The following CERK variants were observed in gnomAD, a reference collection of about 807,000 sequenced individuals.
CERK encodes ceramide kinase.
CERK carries 39 observed loss-of-function variants against 63.4 expected under a neutral mutation model. The observed-to-expected ratio is 0.61, with a 90% CI of 0.48 to 0.80. The LOEUF (loss-of-function observed/expected upper bound fraction) is 0.80. Among genes scored for constraint, CERK ranks in the 30% least tolerant of loss-of-function variants. CERK has a pLI of 0.00. For missense variants in CERK, 670 were observed against 714.1 expected (o/e 0.94, Z 0.70); for synonymous variants, 302 against 280.0 (o/e 1.08, Z -0.78).
intron 12 of CERK, among the ~76,000 whole-genome samples, chr22:46,689,629 C>T (rs2082720068): frequency 6.6e-6 from 1 of 152,164 alleles, no homozygotes; most frequent in African/African-American, 2.4e-5. Flanking sequence ...CCGCCTCAGC[C>T]TCCCACCTTT....
At chr22:46,728,543 G>T (rs558833616) in intron 1 of CERK, among the ~76,000 whole-genome samples, 28 of 152,334 alleles carry the variant, frequency 1.8e-4, no homozygotes, top group African/African-American at 6.3e-4. Flanking sequence ...TGGGTGTGAA[G>T]CCCGCAGCAC....
At chr22:46,711,225 T>C in intron 4 of CERK, 76 bp from the exon 5 acceptor site, 2 of 1,115,082 alleles carry the variant, frequency 1.8e-6, no homozygotes, top group Non-Finnish European at 2.7e-6. Flanking sequence ...TCATCCATTC[T>C]TTTAAAATGA....
intron 7 of CERK, 64 bp from the exon 8 acceptor site, chr22:46,699,529 C>A: frequency 1.3e-6 from 2 of 1,497,678 alleles, no homozygotes; most frequent in Non-Finnish European, 1.8e-6. Context: ...TCCACTCCAT[C>A]CCCTTCAATA....
chr22:46,723,086 G>A (rs923271504), intron 1 of CERK, among the ~76,000 whole-genome samples: 1 of 152,196 alleles, frequency 6.6e-6, no homozygotes, highest in African/African-American at 2.4e-5. Context: ...AGACTGAACA[G>A]GACCAAGGAC....
chr22:46,713,671 T>C (rs1467968771), intron 3 of CERK, among the ~76,000 whole-genome samples: 1 of 151,256 alleles, frequency 6.6e-6, no homozygotes, highest in African/African-American at 2.5e-5. Flanking sequence ...CCTTCAGTCA[T>C]GAAATAAGCA....
intron 12 of CERK, among the ~76,000 whole-genome samples, chr22:46,689,687 A>G (rs1012803510): frequency 3.3e-5 from 5 of 152,154 alleles, no homozygotes; most frequent in Non-Finnish European, 7.3e-5. Context: ...AAAGAGCCCA[A>G]TGCCAGCCTG....
intron 1 of CERK, among the ~76,000 whole-genome samples, chr22:46,723,014 A>G (rs2082900283): frequency 6.6e-6 from 1 of 152,178 alleles, no homozygotes; most frequent in African/African-American, 2.4e-5. Context: ...CTCTGGGTGG[A>G]GGGATAAGGA....
At chr22:46,731,686 G>A (rs556891424) in intron 1 of CERK, among the ~76,000 whole-genome samples, 37 of 152,326 alleles carry the variant, frequency 2.4e-4, no homozygotes, top group East Asian at 5.8e-4. Flanking sequence ...CAGGGCATGC[G>A]GGAGATAATG....
intron 10 of CERK, among the ~76,000 whole-genome samples, chr22:46,692,521 G>A (rs2082736950): frequency 6.6e-6 from 1 of 151,680 alleles, no homozygotes; most frequent in African/African-American, 2.4e-5. Context: ...AGAATCGCTT[G>A]AACCCAGAAG....
At chr22:46,697,659 C>T (rs2082762921) in intron 8 of CERK, among the ~76,000 whole-genome samples, 1 of 152,138 alleles carries the variant, frequency 6.6e-6, no homozygotes, top group African/African-American at 2.4e-5. Context: ...GTGTGCACCA[C>T]CATGCCTGAC....
At chr22:46,727,166 C>G (rs554726420) in intron 1 of CERK, among the ~76,000 whole-genome samples, 59 of 152,296 alleles carry the variant, frequency 3.9e-4, no homozygotes, top group African/African-American at 1.4e-3. Flanking sequence ...CAGCAAGCCC[C>G]CAGAGTTCAT....
chr22:46,698,971 G>A (rs2082769773), intron 8 of CERK, among the ~76,000 whole-genome samples: 1 of 152,106 alleles, frequency 6.6e-6, no homozygotes, highest in Non-Finnish European at 1.5e-5. Flanking sequence ...TGAACAGTTT[G>A]GGGTGGCCTC....
chr22:46,718,097 GA>G (rs58068631), intron 3 of CERK, among the ~76,000 whole-genome samples: 20,618 of 151,724 alleles, frequency 0.14, 1,835 homozygotes, highest in African/African-American at 0.25. Context: ...ACAAAACAAA[GA>G]AAAAAACCCA....
In CERK at chr22:46,696,203, TG is replaced by T. The variant is rs556736832; in HGVS notation, c.944-889del. On this transcript the variant is annotated intron_variant, in intron 8 of 12. Transcript: ENST00000216264. ...CAGTCTGGCTCCTAGGACATCTGTG[TG>T]CCTGAAAGTCAGCTCCCGACTGTCC... Among the ~76,000 whole-genome samples the T allele has an allele frequency of 3.2e-3, 484 of 152,304 alleles. 2 individuals are homozygous for T. Among genetic ancestry groups the T allele is most frequent in the African/African-American group, 0.011 (444 of 41,576 alleles).
intron 1 of CERK, among the ~76,000 whole-genome samples, chr22:46,728,337 C>T (rs73888632): frequency 0.12 from 18,043 of 152,112 alleles, 1,325 homozygotes; most frequent in African/African-American, 0.2. Flanking sequence ...CCCCCGTGCA[C>T]CCTGCTATGA....
At chr22:46,699,804 T>C (rs1354202567) in intron 7 of CERK, among the ~76,000 whole-genome samples, 2 of 152,144 alleles carry the variant, frequency 1.3e-5, no homozygotes, top group East Asian at 3.8e-4. Context: ...AAATACAAAA[T>C]CAAGCCGAGT....
At position 46,695,400 on chromosome 22, in the gene CERK, C is replaced by T. The variant is rs73888617; in HGVS notation, c.944-85G>A. ...CTGTGCTGGGCAGCTTCAGAAATGT[C>T]GCTGAGCGCGCATCTGCCTAAACCG... On this transcript the variant is annotated intron_variant, in intron 8 of 12. Coordinates refer to ENST00000216264, the MANE Select transcript of CERK (RefSeq NM_022766.6). 2.6e-3 allele frequency: 2,219 copies of T among 851,340 alleles called. 37 individuals are homozygous for T. In the African/African-American group the frequency reaches 0.032, roughly 12 times the overall value. 52.7% of individuals were successfully genotyped at this position (851,340 alleles called of 1,614,324 possible). A position where few individuals can be genotyped will look rare whatever the true frequency, so the allele number is the denominator to read the frequency against.
At chr22:46,728,304 T>C (rs2082929686) in intron 1 of CERK, among the ~76,000 whole-genome samples, 1 of 152,018 alleles carries the variant, frequency 6.6e-6, no homozygotes, top group Non-Finnish European at 1.5e-5. Context: ...TGGACTGATT[T>C]TGCTCCAGGA....
In CERK at chr22:46,707,890, C is replaced by T. The variant is rs201089555; in HGVS notation, c.668G>A (p.Arg223Gln). Residue 223 changes from arginine (R) to glutamine (Q), a missense_variant, in exon 6 of 13, where the codon CGG becomes CAG. Arg to Gln is a conservative substitution (Grantham distance 43). Transcript: ENST00000216264. The stretch of plus-strand genomic sequence containing the variant: ...GAGGCTACTGGGGACCAGCACAGCC[C>T]GGGGGTGGTTCTGGTCGACCCCGGC... ...RSAGVDQNHP[R>Q]AVLVPSSLRI... is the part of the protein sequence containing the mutation. 23 of 1,613,828 alleles carry T rather than the reference C, an allele frequency of 1.4e-5. No individual in the cohort carries two copies. Among genetic ancestry groups the T allele is most frequent in the Middle Eastern group, 1.6e-4 (1 of 6,084 alleles).
Sources: gnomAD v4.1 joint callset for allele counts (sites outside exome capture counted in the v4.1 genomes callset) on GRCh38, gnomAD v4.1.1 for gene constraint, MANE v1.5 for transcripts, NCBI Gene and HGNC (gene_info 2026-07-23, HGNC 2026-07-21) for gene names.